The following MARCHF1 variants were observed in gnomAD, a reference collection of about 807,000 sequenced individuals.
MARCHF1 encodes E3 ubiquitin-protein ligase MARCHF1.
A neutral mutation model predicts 54.2 loss-of-function variants in MARCHF1; 40 were observed. The observed-to-expected ratio is 0.74, with a 90% CI of 0.57 to 0.96. MARCHF1 has a LOEUF of 0.96. MARCHF1 is among the 40% of genes least tolerant of loss of function. MARCHF1 has a pLI of 0.00. For synonymous variants in MARCHF1, 236 were observed against 236.3 expected (o/e 1.00, Z 0.01); for missense variants, 586 against 656.5 (o/e 0.89, Z 1.17).
chr4:164,222,247 T>C (rs2111155170), intron 1 of MARCHF1, among the ~76,000 whole-genome samples: 1 of 151,766 alleles, frequency 6.6e-6, no homozygotes, highest in South Asian at 2.1e-4. Flanking sequence ...AGAATAACAA[T>C]TGATATTTTT....
intron 3 of MARCHF1, among the ~76,000 whole-genome samples, chr4:163,860,455 C>T (rs1220741627): frequency 6.6e-6 from 1 of 152,160 alleles, no homozygotes; most frequent in Non-Finnish European, 1.5e-5. Flanking sequence ...AAGACTTATT[C>T]TCCAAGGGAA....
intron 1 of MARCHF1, among the ~76,000 whole-genome samples, chr4:164,161,181 G>A (rs147221439): frequency 6.6e-6 from 1 of 152,160 alleles, no homozygotes; most frequent in Non-Finnish European, 1.5e-5. Flanking sequence ...CATCACCCTT[G>A]GTTCTGTCCT....
At chr4:164,375,898 T>G (rs555513025) in intron 1 of MARCHF1, among the ~76,000 whole-genome samples, 12 of 152,312 alleles carry the variant, frequency 7.9e-5, no homozygotes, top group African/African-American at 2.9e-4. Flanking sequence ...CCTTCAGATG[T>G]CAGGTAAAAT....
At chr4:163,606,582 A>G (rs1433833085) in intron 7 of MARCHF1, among the ~76,000 whole-genome samples, 1 of 152,048 alleles carries the variant, frequency 6.6e-6, no homozygotes, top group Non-Finnish European at 1.5e-5. Flanking sequence ...GTGCATATTG[A>G]AGCATGCCTA....
chr4:164,313,133 T>TC (rs1734907979), intron 1 of MARCHF1, among the ~76,000 whole-genome samples: 2 of 147,990 alleles, frequency 1.4e-5, no homozygotes, highest in African/African-American at 5.0e-5. Flanking sequence ...GGTCAGGAGA[T>TC]CGAGACCATC....
intron 7 of MARCHF1, among the ~76,000 whole-genome samples, chr4:163,588,516 C>A (rs1315299454): frequency 6.6e-6 from 1 of 152,118 alleles, no homozygotes; most frequent in Non-Finnish European, 1.5e-5. Flanking sequence ...TTTTTGGAGC[C>A]ACTAAAATCT....
intron 4 of MARCHF1, among the ~76,000 whole-genome samples, chr4:163,742,340 C>T (rs562424013): frequency 6.0e-5 from 9 of 148,960 alleles, no homozygotes; most frequent in African/African-American, 2.2e-4. Flanking sequence ...CTTTCCCTCC[C>T]TCCCTCTCTC....
chr4:163,737,478 G>A (rs1746080398), intron 4 of MARCHF1, among the ~76,000 whole-genome samples: 1 of 78,016 alleles, frequency 1.3e-5, no homozygotes, highest in African/African-American at 4.0e-5. Context: ...TTGGTTTTTT[G>A]TTCTTGCGAC....
chr4:163,988,906 C>T (rs1204824031), intron 2 of MARCHF1, 197 bp from the exon 3 acceptor site: 3 of 152,222 alleles, frequency 2.0e-5, no homozygotes, highest in Non-Finnish European at 4.4e-5. Context: ...CACCCCCTCT[C>T]CCCTAAGAGC....
chr4:164,263,913 C>A (rs532483374), intron 1 of MARCHF1, among the ~76,000 whole-genome samples: 12 of 152,256 alleles, frequency 7.9e-5, no homozygotes, highest in South Asian at 6.2e-4. Flanking sequence ...CAAATCAGTT[C>A]AATCATTGTG....
rs1015378917 is a variant in MARCHF1 at position 164,189,540 on chromosome 4, C to G, written c.-322-77878G>C. The stretch of plus-strand genomic sequence containing the variant: ...GCAAGGAGTCCTCCCATGGCATAAA[C>G]CCAGATGAAGCTGTAGTGCATGGTG... On this transcript the variant is annotated intron_variant, in intron 1 of 9. Transcript: ENST00000514618. The G allele has an allele frequency of 4.6e-6, 4 of 862,348 alleles. No homozygotes were observed. In the African/African-American group the frequency reaches 6.6e-5, roughly 14 times the overall value. 53.4% of individuals were successfully genotyped at this position (862,348 alleles called of 1,614,324 possible).
chr4:163,793,023 G>A (rs1263643068), intron 4 of MARCHF1, among the ~76,000 whole-genome samples: 1 of 152,172 alleles, frequency 6.6e-6, no homozygotes, highest in Non-Finnish European at 1.5e-5. Context: ...GAATGCAGTG[G>A]TGCATATAAA....
chr4:164,377,598 C>T (rs958248339), intron 1 of MARCHF1, among the ~76,000 whole-genome samples: 13 of 151,786 alleles, frequency 8.6e-5, no homozygotes, highest in African/African-American at 2.7e-4. Flanking sequence ...TATGCACACA[C>T]ACACACACAC....
chr4:163,798,911 T>G (rs1291119698), intron 4 of MARCHF1, among the ~76,000 whole-genome samples: 1 of 152,064 alleles, frequency 6.6e-6, no homozygotes, highest in Non-Finnish European at 1.5e-5. Flanking sequence ...ATGTATAACT[T>G]CTAGCGCATG....
chr4:164,000,498 A>G (rs956475368), intron 2 of MARCHF1, among the ~76,000 whole-genome samples: 1 of 151,686 alleles, frequency 6.6e-6, no homozygotes, highest in Non-Finnish European at 1.5e-5. Flanking sequence ...GATTTAGAGA[A>G]AGAGAAAGCA....
chr4:164,196,379 A>T (rs1019747491), intron 1 of MARCHF1, among the ~76,000 whole-genome samples: 2 of 152,158 alleles, frequency 1.3e-5, no homozygotes, highest in African/African-American at 4.8e-5. Flanking sequence ...GAGATATTTG[A>T]AGCTTATAAA....
chr4:163,776,485 C>T (rs1747308883), intron 4 of MARCHF1, among the ~76,000 whole-genome samples: 2 of 151,954 alleles, frequency 1.3e-5, no homozygotes, highest in Admixed American at 1.3e-4. Flanking sequence ...AAATGTTCAT[C>T]CAAGATAAAG....
intron 2 of MARCHF1, among the ~76,000 whole-genome samples, chr4:163,989,427 C>T (rs1752932121): frequency 6.6e-6 from 1 of 152,124 alleles, no homozygotes; most frequent in Non-Finnish European, 1.5e-5. Context: ...AGTCAGAAGG[C>T]ATCAGTTAGT....
chr4:163,610,255 G>C (rs1441984428), intron 7 of MARCHF1, among the ~76,000 whole-genome samples: 1 of 151,928 alleles, frequency 6.6e-6, no homozygotes, highest in Non-Finnish European at 1.5e-5. Context: ...AGCCACTTAA[G>C]GGAAGAATCA....
Sources: allele counts gnomAD v4.1 joint callset (sites outside exome capture counted in the v4.1 genomes callset), GRCh38; gene constraint gnomAD v4.1.1; transcripts MANE v1.5; gene names NCBI Gene and HGNC (gene_info 2026-07-23, HGNC 2026-07-21).